Variants in LMAN2 observed in about 807,000 individuals in gnomAD.
The protein encoded by LMAN2 is lectin, mannose binding 2.
A neutral mutation model predicts 39.3 loss-of-function variants in LMAN2; 22 were observed. That is an observed-to-expected ratio of 0.56 (90% CI 0.40 to 0.80). The LOEUF is 0.80. LMAN2 is among the 30% of genes least tolerant of loss of function. LMAN2 has a pLI of 0.00. For synonymous variants in LMAN2, 207 were observed against 207.8 expected (o/e 1.00, Z 0.03); for missense variants, 494 against 505.4 (o/e 0.98, Z 0.22).
chr5:177,347,921 T>C (rs1278359173), intron 2 of LMAN2, among the ~76,000 whole-genome samples: 2 of 152,096 alleles, frequency 1.3e-5, no homozygotes, highest in Non-Finnish European at 2.9e-5. Context: ...GAGTTCAAGA[T>C]AAGACTGGGC....
chr5:177,336,085 A>G (rs1389268329), intron 6 of LMAN2, among the ~76,000 whole-genome samples: 1 of 152,226 alleles, frequency 6.6e-6, no homozygotes, highest in Non-Finnish European at 1.5e-5. Flanking sequence ...CGGTAGACTC[A>G]AAGATGGTAA....
rs1282070640 is a variant in LMAN2, at chr5:177,332,366, A to AC, written c.911-121dup. On this transcript the variant is annotated intron_variant, in intron 7 of 7. Coordinates refer to ENST00000303127, the MANE Select transcript of LMAN2 (RefSeq NM_006816.3). The surrounding 1 kb of genome is among the most constrained non-coding windows in gnomAD (Gnocchi z 6.3). ...CACGGTGGGCAGGCCGGTCGTACTC[A>AC]CCCCCCTCACCGGGGAGGGGCAGAG... is the stretch of plus-strand genomic sequence containing the variant. The AC allele has an allele frequency of 1.2e-6, 1 of 868,278 alleles. No individual in the cohort carries two copies. The highest frequency in any genetic ancestry group is 1.8e-6 in the Non-Finnish European group (1 of 567,652). 53.8% of individuals were successfully genotyped at this position (868,278 alleles called of 1,614,324 possible). A position where few individuals can be genotyped will look rare whatever the true frequency, so the allele number is the denominator to read the frequency against.
In LMAN2 at chr5:177,337,355, C is replaced by T; in HGVS notation, c.675+8G>A. On this transcript the variant is annotated splice_region_variant and intron_variant, in intron 5 of 7. Transcript: ENST00000303127. The surrounding 1 kb of genome is among the most constrained non-coding windows in gnomAD (Gnocchi z 8.2). The stretch of plus-strand genomic sequence containing the variant: ...CCAGCTGCCACCCCCACCGCCTAGC[C>T]TGCTCACCGTCAGACGGCCCCGGGA... 6.2e-7 allele frequency: 1 copy of T among 1,610,826 alleles called. No individual in the cohort carries two copies.
rs193148098 is a variant in LMAN2 at position 177,340,916 on chromosome 5, G to A, written c.316-2311C>T. 9.0e-3 allele frequency among the ~76,000 whole-genome samples: 1,369 copies of A among 151,546 alleles called. 25 individuals carry two copies. The highest frequency in any genetic ancestry group is 0.032 in the African/African-American group (1,309 of 41,432). Reference sequence around the variant, plus strand: ...ACTACAGGCGCCCGCCACCACACCCGGCTAATTTTTTTGTATTTTTAGTAG... The same window carrying A: ...ACTACAGGCGCCCGCCACCACACCCAGCTAATTTTTTTGTATTTTTAGTAG... On this transcript the variant is annotated intron_variant, in intron 2 of 7. Transcript: ENST00000303127.
intron 2 of LMAN2, chr5:177,346,502 T>C (rs532231408): frequency 5.5e-6 from 1 of 181,844 alleles, no homozygotes; most frequent in Non-Finnish European, 1.1e-5. Context: ...GCTATACCCA[T>C]AACAAAATGT....
intron 6 of LMAN2, 120 bp from the exon 7 acceptor site, chr5:177,334,523 G>A (rs918071574): frequency 9.3e-6 from 13 of 1,393,446 alleles, no homozygotes; most frequent in Non-Finnish European, 1.2e-5. Flanking sequence ...CCCCTGGGGA[G>A]AGCACTGCCC....
intron 2 of LMAN2, chr5:177,346,496 T>C (rs1445428753): frequency 1.6e-5 from 3 of 192,868 alleles, no homozygotes; most frequent in South Asian, 1.7e-4. Context: ...TCTATAGCTA[T>C]ACCCATAACA....
At chr5:177,345,828 C>T (rs1342443814) in intron 2 of LMAN2, among the ~76,000 whole-genome samples, 1 of 151,914 alleles carries the variant, frequency 6.6e-6, no homozygotes, top group Non-Finnish European at 1.5e-5. Flanking sequence ...AGTGCAGTGG[C>T]ATAATCTCAG....
intron 6 of LMAN2, among the ~76,000 whole-genome samples, chr5:177,336,526 A>C (rs771398980): frequency 4.6e-5 from 7 of 152,202 alleles, no homozygotes; most frequent in African/African-American, 9.6e-5. Context: ...GCCGCCAGGT[A>C]GTCAGGGAGG....
intron 6 of LMAN2, among the ~76,000 whole-genome samples, chr5:177,336,680 G>C (rs1405898161): frequency 6.6e-6 from 1 of 152,240 alleles, no homozygotes; most frequent in Non-Finnish European, 1.5e-5. Context: ...CGATGGGCAA[G>C]ATGTGGCCTC....
At chr5:177,341,885 G>T (rs1297399637) in intron 2 of LMAN2, among the ~76,000 whole-genome samples, 1 of 152,126 alleles carries the variant, frequency 6.6e-6, no homozygotes, top group Non-Finnish European at 1.5e-5. Flanking sequence ...ATTAGTCTTT[G>T]GTACAACATG....
At chr5:177,334,919 C>T (rs763544125) in intron 6 of LMAN2, among the ~76,000 whole-genome samples, 13 of 152,312 alleles carry the variant, frequency 8.5e-5, no homozygotes, top group Admixed American at 2.6e-4. Context: ...GGGAACAACT[C>T]GGCAACCAGC....
chr5:177,334,299 G>A lies in LMAN2; in HGVS notation c.895C>T (p.Leu299Phe), dbSNP rs1188903851. The change falls in exon 7 of 8, where the codon CTC becomes TTC. Residue 299 changes from leucine to phenylalanine, a missense_variant. Coordinates refer to ENST00000303127, the MANE Select transcript of LMAN2 (RefSeq NM_006816.3). ...WTKIEPSVNF[L>F]KSPKDNVDDP... ...GCACACGCACCTTTGGGCGACTTGAGGAAGTTGACGCTGGGCTCGATCTTG... is the reference window on the plus strand; with the variant it reads ...GCACACGCACCTTTGGGCGACTTGAAGAAGTTGACGCTGGGCTCGATCTTG... 1 of 1,612,324 alleles carries A rather than the reference G, an allele frequency of 6.2e-7. No homozygotes were observed. Among genetic ancestry groups the A allele is most frequent in the Non-Finnish European group, 8.5e-7 (1 of 1,179,918 alleles).
chr5:177,332,024 G>T lies in LMAN2; in HGVS notation c.*62C>A. ...CATCTTGTTGTTCTTTTATAATCCC[G>T]GTAAAAAAAAAAGTTCACATTGGCT... On this transcript the variant is annotated 3_prime_UTR_variant, in exon 8 of 8. Transcript: ENST00000303127. This position sits in a 1 kb window ranked among gnomAD's most constrained non-coding sequence, Gnocchi z 6.3. 1.4e-6 allele frequency: 2 copies of T among 1,464,372 alleles called. No individual in the cohort carries two copies. The highest frequency in any genetic ancestry group is 9.2e-7 in the Non-Finnish European group (1 of 1,082,350). 90.7% of individuals were successfully genotyped at this position (1,464,372 alleles called of 1,614,324 possible).
At chr5:177,345,968 G>T (rs570514068) in intron 2 of LMAN2, 2 of 151,972 alleles carry the variant, frequency 1.3e-5, no homozygotes, top group Non-Finnish European at 2.9e-5. Context: ...GGGTTTCACC[G>T]TGTTGGCCAG....
intron 2 of LMAN2, among the ~76,000 whole-genome samples, chr5:177,341,717 A>G (rs1395113309): frequency 1.3e-5 from 2 of 152,256 alleles, no homozygotes; most frequent in Non-Finnish European, 2.9e-5. Flanking sequence ...CAACAAATAC[A>G]GTGACTATAA....
intron 2 of LMAN2, among the ~76,000 whole-genome samples, chr5:177,348,848 C>T (rs2127319972): frequency 6.7e-6 from 1 of 149,364 alleles, no homozygotes; most frequent in South Asian, 2.1e-4. Context: ...TGCGCCACTG[C>T]CCTCCAGCCT....
intron 2 of LMAN2, among the ~76,000 whole-genome samples, chr5:177,342,556 C>T (rs1056420473): frequency 2.0e-5 from 3 of 152,082 alleles, no homozygotes; most frequent in Non-Finnish European, 2.9e-5. Context: ...CCTGACTGCG[C>T]ATGCCTGTAG....
chr5:177,350,693 G>A (rs1761709041), intron 2 of LMAN2, among the ~76,000 whole-genome samples: 1 of 152,166 alleles, frequency 6.6e-6, no homozygotes, highest in African/African-American at 2.4e-5. Context: ...TCTTTGTATA[G>A]TCATGAAAGC....
Sources: allele counts gnomAD v4.1 joint callset (sites outside exome capture counted in the v4.1 genomes callset), GRCh38; gene constraint gnomAD v4.1.1; non-coding constraint Gnocchi (gnomAD v3.1); transcripts MANE v1.5; gene names NCBI Gene and HGNC (gene_info 2026-07-23, HGNC 2026-07-21).